ZFHX3: variants seen among roughly 807,000 people sequenced by gnomAD.
The protein encoded by ZFHX3 is zinc finger homeobox protein 3.
ZFHX3 carries 42 observed loss-of-function variants against 279.1 expected under a neutral mutation model. The ratio of observed to expected loss-of-function variants is 0.15; its 90% CI spans 0.12 to 0.19. The LOEUF (loss-of-function observed/expected upper bound fraction) is 0.19, where lower values mean the gene tolerates loss of function less well. ZFHX3 is among the 10% of genes least tolerant of loss of function. ZFHX3 has a pLI of 1.00. For synonymous variants in ZFHX3, 2,293 were observed against 1,957.8 expected (o/e 1.17, Z -4.52); for missense variants, 4,981 against 4,754.0 (o/e 1.05, Z -1.40).
At chr16:73,511,647 T>C (rs1323946859) in intron 2 of ZFHX3, among the ~76,000 whole-genome samples, 1 of 152,184 alleles carries the variant, frequency 6.6e-6, no homozygotes, top group African/African-American at 2.4e-5. Flanking sequence ...CCAGGGGCTC[T>C]CTAGGGCAGC....
chr16:73,141,039 C>A (rs982077165), intron 6 of ZFHX3, among the ~76,000 whole-genome samples: 1 of 152,290 alleles, frequency 6.6e-6, no homozygotes, highest in South Asian at 2.1e-4. Context: ...AATATGCTGC[C>A]ACTTACACTC....
rs548060071 is a variant in ZFHX3, at chr16:73,710,512, G to A, written c.-1607-30272C>T. On this transcript the variant is annotated intron_variant, in intron 1 of 17. Coordinates refer to the ZFHX3 transcript ENST00000641206. ...TCAACTGTTGTCCACACAGAAGTCG[G>A]GGAGAGGTTGCACCGCTTGAGTTTT... 4.3e-3 allele frequency among the ~76,000 whole-genome samples: 658 copies of A among 152,252 alleles called. 4 individuals carry two copies. Among genetic ancestry groups the A allele is most frequent in the African/African-American group, 0.015 (609 of 41,544 alleles).
intron 2 of ZFHX3, among the ~76,000 whole-genome samples, chr16:73,515,808 T>C (rs1040154546): frequency 1.3e-5 from 2 of 152,208 alleles, no homozygotes; most frequent in African/African-American, 4.8e-5. Flanking sequence ...TCTCACCATT[T>C]TGATCATCTG....
At chr16:73,590,846 A>T (rs1433555234) in intron 2 of ZFHX3, among the ~76,000 whole-genome samples, 2 of 152,188 alleles carry the variant, frequency 1.3e-5, no homozygotes, top group Non-Finnish European at 2.9e-5. Context: ...CAACAAGGAA[A>T]ATGAGAATCA....
chr16:72,851,359 A>C (rs1193452523), intron 4 of ZFHX3, among the ~76,000 whole-genome samples: 1 of 152,080 alleles, frequency 6.6e-6, no homozygotes, highest in Non-Finnish European at 1.5e-5. Flanking sequence ...ACAGGGAGAT[A>C]CCCCGACAAG....
At chr16:73,035,761 T>C (rs1964876938) in intron 1 of ZFHX3, among the ~76,000 whole-genome samples, 1 of 152,048 alleles carries the variant, frequency 6.6e-6, no homozygotes, top group South Asian at 2.1e-4. Context: ...CCGGGCATGG[T>C]GGAAAACCAG....
chr16:73,857,532 G>T lies in ZFHX3; in HGVS notation c.-1608+34119C>A, dbSNP rs74372478. 6.7e-3 allele frequency among the ~76,000 whole-genome samples: 1,025 copies of T among 152,194 alleles called. 10 individuals carry two copies. Among genetic ancestry groups the T allele is most frequent in the African/African-American group, 0.023 (961 of 41,538 alleles). The stretch of plus-strand genomic sequence containing the variant: ...TACACCACTGAGAAATATAAAAGCG[G>T]GGAGGAGAGGAAAAGCTACATTTCC... On this transcript the variant is annotated intron_variant, in intron 1 of 17. Transcript: ENST00000641206.
At chr16:73,341,762 A>T (rs1229829823) in intron 3 of ZFHX3, among the ~76,000 whole-genome samples, 1 of 152,252 alleles carries the variant, frequency 6.6e-6, no homozygotes, top group Non-Finnish European at 1.5e-5. Context: ...GGTCATAAAA[A>T]GGAATGGAGT....
chr16:73,458,676 C>T (rs972410171), intron 2 of ZFHX3, among the ~76,000 whole-genome samples: 10 of 152,164 alleles, frequency 6.6e-5, no homozygotes, highest in African/African-American at 2.2e-4. Context: ...GGTTGGCTCC[C>T]TCGGTCACCT....
intron 7 of ZFHX3, among the ~76,000 whole-genome samples, chr16:73,111,238 G>A (rs1219311755): frequency 6.6e-6 from 1 of 152,146 alleles, no homozygotes; most frequent in Non-Finnish European, 1.5e-5. Context: ...ACTGCACCCG[G>A]CCAGCATTTT....
chr16:73,078,795 C>T (rs780960426), intron 8 of ZFHX3, among the ~76,000 whole-genome samples: 2 of 152,062 alleles, frequency 1.3e-5, no homozygotes, highest in Non-Finnish European at 2.9e-5. Context: ...CAGGCGTCCG[C>T]CACCATGCCA....
chr16:72,854,297 C>A (rs73590718), intron 4 of ZFHX3, among the ~76,000 whole-genome samples: 4,884 of 152,270 alleles, frequency 0.032, 289 homozygotes, highest in African/African-American at 0.11. Flanking sequence ...AGTGGTTAGC[C>A]GGCCTGGCAC....
intron 3 of ZFHX3, among the ~76,000 whole-genome samples, chr16:72,924,182 T>A (rs1959312900): frequency 6.6e-6 from 1 of 152,194 alleles, no homozygotes; most frequent in Non-Finnish European, 1.5e-5. Flanking sequence ...ATAAAACAAT[T>A]CACTTTGTAT....
At chr16:73,077,137 C>A (rs1965894318) in intron 8 of ZFHX3, among the ~76,000 whole-genome samples, 1 of 152,160 alleles carries the variant, frequency 6.6e-6, no homozygotes, top group Admixed American at 6.5e-5. Flanking sequence ...TAATGCCAAT[C>A]CCCAAATTTT....
Position 72,852,863 on chromosome 16 carries a change from A to G in ZFHX3, c.3449-23004T>C, listed in dbSNP as rs141373293. Among the ~76,000 whole-genome samples, 1,076 of 152,248 alleles carry G rather than the reference A, an allele frequency of 7.1e-3. 4 individuals are homozygous for G. Among genetic ancestry groups the G allele is most frequent in the Non-Finnish European group, 0.011 (760 of 68,008 alleles). The stretch of plus-strand genomic sequence containing the variant: ...GAACAGAAGAGTCCTCTATTCCTTT[A>G]TTTGCTCACTAAGTCATTAGTTAAA... On this transcript the variant is annotated intron_variant, in intron 4 of 9. Coordinates refer to ENST00000268489, the MANE Select transcript of ZFHX3 (RefSeq NM_006885.4).
intron 1 of ZFHX3, among the ~76,000 whole-genome samples, chr16:73,010,038 A>AAAAAAAAC (rs1344304633): frequency 7.3e-5 from 11 of 151,236 alleles, no homozygotes; most frequent in Non-Finnish European, 1.6e-4. Flanking sequence ...AAAAAAAAAA[A>AAAAAAAAC]AAAAACTCAT....
At chr16:73,608,003 G>A (rs2052208054) in intron 2 of ZFHX3, among the ~76,000 whole-genome samples, 1 of 152,066 alleles carries the variant, frequency 6.6e-6, no homozygotes, top group Non-Finnish European at 1.5e-5. Flanking sequence ...GAGTCCAGGA[G>A]GTTGAGGCTG....
At chr16:72,918,762 C>T (rs1597376794) in intron 3 of ZFHX3, among the ~76,000 whole-genome samples, 1 of 148,028 alleles carries the variant, frequency 6.8e-6, no homozygotes, top group Non-Finnish European at 1.5e-5. Context: ...GTGGTGAAAT[C>T]TCGGCTCACT....
At chr16:73,421,097 G>C (rs1462378984) in intron 3 of ZFHX3, 1 of 152,106 alleles carries the variant, frequency 6.6e-6, no homozygotes, top group Admixed American at 6.5e-5. Flanking sequence ...TAACATGCCA[G>C]TTGATACCAC....
Sources: allele counts gnomAD v4.1 joint callset (sites outside exome capture counted in the v4.1 genomes callset), GRCh38; gene constraint gnomAD v4.1.1; transcripts MANE v1.5; gene names NCBI Gene and HGNC (gene_info 2026-07-23, HGNC 2026-07-21).